Variants in MARCHF1 observed in about 807,000 individuals in gnomAD.
MARCHF1 encodes membrane associated ring-CH-type finger 1, also known as E3 ubiquitin-protein ligase MARCHF1.
In MARCHF1, 40 loss-of-function variants were observed where a neutral mutation model predicts 54.2. The observed-to-expected ratio is 0.74, with a 90% CI of 0.57 to 0.96. MARCHF1 has a LOEUF of 0.96. Among genes scored for constraint, MARCHF1 ranks in the 40% least tolerant of loss-of-function variants. The pLI is 0.00. For synonymous variants in MARCHF1, 236 were observed against 236.3 expected (o/e 1.00, Z 0.01); for missense variants, 586 against 656.5 (o/e 0.89, Z 1.17).
At chr4:163,651,807 T>C (rs915409972) in intron 5 of MARCHF1, among the ~76,000 whole-genome samples, 2 of 151,630 alleles carry the variant, frequency 1.3e-5, no homozygotes, top group Admixed American at 6.6e-5. Flanking sequence ...CTTTTTTTTT[T>C]TTTAAAGTTA....
chr4:163,535,983 A>ATGTG (rs1401447530), intron 9 of MARCHF1, among the ~76,000 whole-genome samples: 1 of 152,134 alleles, frequency 6.6e-6, no homozygotes, highest in African/African-American at 2.4e-5. Flanking sequence ...TACAATGCAC[A>ATGTG]GGACAGTACC....
At position 163,807,379 on chromosome 4, in the gene MARCHF1, T is replaced by C. The variant is rs193252981; in HGVS notation, c.111+46642A>G. ...TTTCTATGGGTATGTAAATTGCTGT[T>C]TTGGAAGCAACTTAATACTTTTTCC... On this transcript the variant is annotated intron_variant, in intron 4 of 9. Coordinates refer to ENST00000514618, the MANE Select transcript of MARCHF1 (RefSeq NM_001394959.1). Among the ~76,000 whole-genome samples, 244 of 152,332 alleles carry C rather than the reference T, an allele frequency of 1.6e-3. 2 individuals are homozygous for C. Among genetic ancestry groups the C allele is most frequent in the African/African-American group, 5.6e-3 (234 of 41,588 alleles).
At chr4:164,220,674 T>TAATATATATGATATATGC (rs1341864113) in intron 1 of MARCHF1, among the ~76,000 whole-genome samples, 3 of 104,908 alleles carry the variant, frequency 2.9e-5, no homozygotes, top group African/African-American at 8.1e-5. Flanking sequence ...ATGCTATATG[T>TAATATATATGATATATGC]ATATATGTAA....
At chr4:164,219,074 T>C (rs1732017977) in intron 1 of MARCHF1, among the ~76,000 whole-genome samples, 1 of 152,140 alleles carries the variant, frequency 6.6e-6, no homozygotes, top group South Asian at 2.1e-4. Flanking sequence ...CAAACTTAGC[T>C]TTGTTTTGCA....
chr4:164,240,699 G>A (rs897229528), intron 1 of MARCHF1, among the ~76,000 whole-genome samples: 7 of 152,036 alleles, frequency 4.6e-5, no homozygotes, highest in African/African-American at 9.7e-5. Context: ...CAAGCTAACT[G>A]CCCTGGCTCA....
intron 7 of MARCHF1, among the ~76,000 whole-genome samples, chr4:163,606,292 C>T (rs1291196210): frequency 1.3e-5 from 2 of 152,056 alleles, no homozygotes. Context: ...CAAGTCTACT[C>T]TCTTAGCATG....
chr4:163,911,013 G>A (rs1049208541), intron 3 of MARCHF1, among the ~76,000 whole-genome samples: 7 of 152,120 alleles, frequency 4.6e-5, no homozygotes, highest in African/African-American at 1.7e-4. Flanking sequence ...CATTACTGTG[G>A]GGGAAAATGT....
chr4:163,890,892 G>GTTTTTT (rs538178596), intron 3 of MARCHF1, among the ~76,000 whole-genome samples: 1 of 149,404 alleles, frequency 6.7e-6, no homozygotes. Context: ...TCAAACCTCA[G>GTTTTTT]TTTTTTTTTT....
chr4:163,941,252 A>G (rs1158922030), intron 3 of MARCHF1, among the ~76,000 whole-genome samples: 1 of 152,142 alleles, frequency 6.6e-6, no homozygotes, highest in Non-Finnish European at 1.5e-5. Context: ...GAGTGAAAAG[A>G]ACGGCAAACT....
At chr4:163,749,657 ACATTTTCTGAAT>A (rs1252382999) in intron 4 of MARCHF1, among the ~76,000 whole-genome samples, 1 of 152,090 alleles carries the variant, frequency 6.6e-6, no homozygotes, top group Non-Finnish European at 1.5e-5. Flanking sequence ...TTTATTAAAC[ACATTTTCTGAAT>A]CTATTGAGTT....
intron 7 of MARCHF1, among the ~76,000 whole-genome samples, chr4:163,608,216 G>A (rs564317281): frequency 2.6e-5 from 4 of 152,218 alleles, no homozygotes; most frequent in South Asian, 2.1e-4. Flanking sequence ...GGACCTGAGT[G>A]TTGGTTAGGA....
In MARCHF1 at chr4:163,690,274, A is replaced by G. The variant is rs1744406304; in HGVS notation, c.162+10539T>C. Among the ~76,000 whole-genome samples, 3 of 152,180 alleles carry G rather than the reference A, an allele frequency of 2.0e-5. 1 individual carries two copies. In the South Asian group the frequency reaches 6.2e-4, roughly 32 times the overall value. On this transcript the variant is annotated intron_variant, in intron 5 of 9. Coordinates refer to ENST00000514618, the MANE Select transcript of MARCHF1 (RefSeq NM_001394959.1). ...TGCTTTGACCTTGGACTTCCCTCAAAAAAGAGTCTTCTTGTTAAGAGATGT... is the reference window on the plus strand; with the variant it reads ...TGCTTTGACCTTGGACTTCCCTCAAGAAAGAGTCTTCTTGTTAAGAGATGT...
chr4:163,613,445 T>G (rs1338954337), intron 5 of MARCHF1, 52 bp from the exon 6 acceptor site: 1 of 1,612,708 alleles, frequency 6.2e-7, no homozygotes, highest in Admixed American at 1.7e-5. Context: ...AATACATGGT[T>G]GATATCTTGC....
At chr4:163,671,693 G>A (rs1178266818) in intron 5 of MARCHF1, among the ~76,000 whole-genome samples, 3 of 151,852 alleles carry the variant, frequency 2.0e-5, no homozygotes, top group Non-Finnish European at 4.4e-5. Flanking sequence ...AAATGTATTC[G>A]TATTTAAGTA....
At chr4:164,073,844 G>A (rs1467422978) in intron 2 of MARCHF1, among the ~76,000 whole-genome samples, 1 of 151,524 alleles carries the variant, frequency 6.6e-6, no homozygotes, top group Non-Finnish European at 1.5e-5. Flanking sequence ...TCGCTCTGTC[G>A]CCAGGCTGGA....
At chr4:164,097,761 C>T (rs1755446823) in intron 2 of MARCHF1, among the ~76,000 whole-genome samples, 1 of 152,160 alleles carries the variant, frequency 6.6e-6, no homozygotes, top group African/African-American at 2.4e-5. Context: ...GAATCTCCTT[C>T]CCTGTATTAT....
At chr4:163,689,756 A>C (rs1021960495) in intron 5 of MARCHF1, among the ~76,000 whole-genome samples, 10 of 152,228 alleles carry the variant, frequency 6.6e-5, no homozygotes, top group Admixed American at 3.9e-4. Context: ...GTGTGGGATG[A>C]GTAAGAACTA....
chr4:163,836,929 A>G (rs1749204570), intron 4 of MARCHF1, among the ~76,000 whole-genome samples: 2 of 152,140 alleles, frequency 1.3e-5, no homozygotes, highest in Non-Finnish European at 2.9e-5. Flanking sequence ...AGCAGAAGCC[A>G]TTCTAATGTG....
Position 163,554,654 on chromosome 4 carries a change from AAC to A in MARCHF1, c.1192-8913_1192-8912del, listed in dbSNP as rs1353755725. Among the ~76,000 whole-genome samples, 9 of 152,340 alleles carry A rather than the reference AAC, an allele frequency of 5.9e-5. No individual in the cohort carries two copies. In the East Asian group the frequency reaches 1.7e-3, roughly 29 times the overall value. On this transcript the variant is annotated intron_variant, in intron 8 of 9. Transcript: ENST00000514618. ...TTCTCATTGGTAAAATCAGGATGAC[AAC>A]AGTGTCTCTTGTATAGAGTTTGCTG...
Sources: gnomAD v4.1 joint callset for allele counts (sites outside exome capture counted in the v4.1 genomes callset) on GRCh38, gnomAD v4.1.1 for gene constraint, MANE v1.5 for transcripts, NCBI Gene and HGNC (gene_info 2026-07-23, HGNC 2026-07-21) for gene names.